The following CDH18 variants were observed in gnomAD, a reference collection of about 807,000 sequenced individuals.
The protein encoded by CDH18 is cadherin-18.
Under a neutral mutation model 67.9 loss-of-function variants are expected in CDH18, and 31 were observed. That is an observed-to-expected ratio of 0.46 (90% CI 0.34 to 0.62). CDH18 has a LOEUF of 0.62. CDH18 is among the 20% of genes least tolerant of loss of function. The pLI, the probability that CDH18 is intolerant of heterozygous loss-of-function variation, is 0.01. For synonymous variants in CDH18, 362 were observed against 347.2 expected, an observed-to-expected ratio of 1.04 and a Z score of -0.48; for missense variants, 890 against 975.5, an observed-to-expected ratio of 0.91 and a Z score of 1.17.
At position 19,658,780 on chromosome 5, in the gene CDH18, C is replaced by G. The variant is rs754805218; in HGVS notation, c.644-46179G>C. Among the ~76,000 whole-genome samples, 299 of 151,748 alleles carry G rather than the reference C, an allele frequency of 2.0e-3. 1 individual carries two copies. Among genetic ancestry groups the G allele is most frequent in the Admixed American group, 4.8e-3 (73 of 15,206 alleles). On this transcript the variant is annotated intron_variant, in intron 5 of 12. Transcript: ENST00000382275. ...ACTCATCATTTAACATTAGGTATAT[C>G]TCCTAATGCTATCCCTCCCCACTTC...
chr5:19,772,218 A>T (rs552566837), intron 3 of CDH18, among the ~76,000 whole-genome samples: 37 of 152,292 alleles, frequency 2.4e-4, no homozygotes, highest in Admixed American at 8.5e-4. Context: ...CCTCCTCAAA[A>T]ATATCCATGT....
chr5:20,244,667 G>A (rs1002943005), intron 2 of CDH18, among the ~76,000 whole-genome samples: 1 of 152,082 alleles, frequency 6.6e-6, no homozygotes, highest in Admixed American at 6.6e-5. Context: ...ATGATAAATA[G>A]TTGAAAATAT....
intron 2 of CDH18, among the ~76,000 whole-genome samples, chr5:20,095,395 G>C (rs1370277914): frequency 2.6e-5 from 2 of 78,082 alleles, no homozygotes; most frequent in African/African-American, 9.3e-5. Context: ...AGAAACAGAA[G>C]AAAGAAAGAA....
At chr5:20,013,607 T>A (rs1314294123) in intron 2 of CDH18, among the ~76,000 whole-genome samples, 2 of 152,058 alleles carry the variant, frequency 1.3e-5, no homozygotes, top group Non-Finnish European at 2.9e-5. Flanking sequence ...TTTATAGGTA[T>A]CCATCAAAAA....
intron 2 of CDH18, among the ~76,000 whole-genome samples, chr5:19,975,815 T>C (rs1798444856): frequency 6.6e-6 from 1 of 152,190 alleles, no homozygotes; most frequent in South Asian, 2.1e-4. Context: ...CCTAGTTTAC[T>C]TCTTTCTGAA....
At chr5:20,300,864 C>T (rs148509432) in intron 1 of CDH18, among the ~76,000 whole-genome samples, 4 of 152,286 alleles carry the variant, frequency 2.6e-5, no homozygotes, top group Non-Finnish European at 5.9e-5. Flanking sequence ...TTCCCTATCT[C>T]ACCTGTATAG....
intron 1 of CDH18, among the ~76,000 whole-genome samples, chr5:20,520,970 C>A (rs1055757626): frequency 4.6e-5 from 7 of 152,172 alleles, no homozygotes; most frequent in African/African-American, 1.7e-4. Flanking sequence ...CAGTAGCTAA[C>A]ATCTAGCATA....
At chr5:20,088,141 T>A (rs919906865) in intron 2 of CDH18, among the ~76,000 whole-genome samples, 60 of 152,224 alleles carry the variant, frequency 3.9e-4, no homozygotes, top group African/African-American at 1.3e-3. Context: ...GGATAGTGAA[T>A]AAATTCCACC....
intron 1 of CDH18, among the ~76,000 whole-genome samples, chr5:20,342,122 T>C (rs1388328943): frequency 6.6e-6 from 1 of 152,152 alleles, no homozygotes; most frequent in Non-Finnish European, 1.5e-5. Flanking sequence ...TTTTATCATA[T>C]GAGTGGCTGA....
At chr5:20,471,980 A>AT (rs143335601) in intron 1 of CDH18, among the ~76,000 whole-genome samples, 1 of 151,908 alleles carries the variant, frequency 6.6e-6, no homozygotes, top group African/African-American at 2.4e-5. Flanking sequence ...GCTCCAAAAT[A>AT]AATTCACTGA....
At chr5:20,519,942 CTTTTTTTTTTTTTTTTTTTTT>C (rs777265512) in intron 1 of CDH18, among the ~76,000 whole-genome samples, 425 of 41,680 alleles carry the variant, frequency 0.01, 6 homozygotes, top group African/African-American at 0.032. Flanking sequence ...ACAGTCTTGG[CTTTTTTTTTTTTTTTTTTTTT>C]TTTTTTTTTT....
At chr5:19,542,951 G>A (rs1309358264) in intron 9 of CDH18, among the ~76,000 whole-genome samples, 1 of 151,948 alleles carries the variant, frequency 6.6e-6, no homozygotes, top group African/African-American at 2.4e-5. Context: ...AATTTTTAAT[G>A]TTTTAGACCC....
intron 2 of CDH18, among the ~76,000 whole-genome samples, chr5:20,079,422 A>T (rs4866165): frequency 0.75 from 114,389 of 152,052 alleles, 46,195 homozygotes; most frequent in Non-Finnish European, 0.9. Flanking sequence ...ATTTTATTGC[A>T]TTATGTATAT....
intron 1 of CDH18, among the ~76,000 whole-genome samples, chr5:20,368,901 G>A (rs548315510): frequency 7.9e-5 from 12 of 152,194 alleles, no homozygotes; most frequent in African/African-American, 2.2e-4. Context: ...GATGTTCTAC[G>A]TTCTCCTGTA....
chr5:19,613,936 AT>A (rs983269032), intron 5 of CDH18, among the ~76,000 whole-genome samples: 5 of 152,116 alleles, frequency 3.3e-5, no homozygotes, highest in Non-Finnish European at 7.4e-5. Flanking sequence ...TCATAAATGT[AT>A]TTTCATTAAA....
chr5:19,732,592 G>A (rs931905991), intron 4 of CDH18, among the ~76,000 whole-genome samples: 30 of 152,242 alleles, frequency 2.0e-4, no homozygotes, highest in Admixed American at 1.4e-3. Flanking sequence ...TAGTAATTAA[G>A]CCCATAAGGT....
intron 2 of CDH18, among the ~76,000 whole-genome samples, chr5:20,218,270 C>G (rs775043486): frequency 6.6e-6 from 1 of 151,502 alleles, no homozygotes; most frequent in Non-Finnish European, 1.5e-5. Context: ...TGCTAGGCCA[C>G]AAAAAAAGTT....
chr5:19,752,570 C>A (rs1770992672), intron 3 of CDH18, among the ~76,000 whole-genome samples: 1 of 152,098 alleles, frequency 6.6e-6, no homozygotes, highest in Non-Finnish European at 1.5e-5. Context: ...GCCCTGCCCC[C>A]ACCCAATGGT....
At chr5:20,252,962 A>G (rs1229011990) in intron 2 of CDH18, among the ~76,000 whole-genome samples, 1 of 151,862 alleles carries the variant, frequency 6.6e-6, no homozygotes, top group Non-Finnish European at 1.5e-5. Context: ...CACCAATAAG[A>G]AAATGTTTAA....
Sources: gnomAD v4.1 joint callset for allele counts (sites outside exome capture counted in the v4.1 genomes callset) on GRCh38, gnomAD v4.1.1 for gene constraint, MANE v1.5 for transcripts, NCBI Gene and HGNC (gene_info 2026-07-23, HGNC 2026-07-21) for gene names.